Variants in TRIM66 observed in about 807,000 individuals in gnomAD.
TRIM66 encodes the protein tripartite motif containing 66.
A neutral mutation model predicts 148.2 loss-of-function variants in TRIM66; 99 were observed. That is an observed-to-expected ratio of 0.67 (90% CI 0.57 to 0.79). The LOEUF is 0.79. Ranked by LOEUF, TRIM66 falls within the 30% of genes least tolerant of loss-of-function variation. The pLI is 0.00. For synonymous variants in TRIM66, 616 were observed against 635.9 expected (o/e 0.97, Z 0.47); for missense variants, 1,666 against 1,697.9 (o/e 0.98, Z 0.33).
chr11:8,647,180 G>T (rs2133195900), intron 10 of TRIM66, among the ~76,000 whole-genome samples: 1 of 151,876 alleles, frequency 6.6e-6, no homozygotes, highest in South Asian at 2.1e-4. Flanking sequence ...AACGTAGACA[G>T]TAATTATGTA....
intron 22 of TRIM66, 58 bp downstream of exon 22, chr11:8,619,992 G>A: frequency 6.9e-7 from 1 of 1,448,208 alleles, no homozygotes; most frequent in Non-Finnish European, 9.5e-7. Flanking sequence ...TGGGGTAGCA[G>A]TATAGGCACA....
At chr11:8,639,108 C>T (rs1373735787) in intron 14 of TRIM66, among the ~76,000 whole-genome samples, 1 of 152,172 alleles carries the variant, frequency 6.6e-6, no homozygotes, top group Admixed American at 6.5e-5. Context: ...GCTTGTGGCC[C>T]TCTATGAACC....
intron 22 of TRIM66, 109 bp from the exon 23 acceptor site, chr11:8,619,644 G>C (rs868439975): frequency 2.8e-5 from 31 of 1,095,112 alleles, no homozygotes; most frequent in African/African-American, 2.3e-4. Flanking sequence ...ATAAGTGAAA[G>C]AATAGGAAGA....
chr11:8,634,029 T>C (rs576732449), intron 15 of TRIM66, among the ~76,000 whole-genome samples: 4 of 152,214 alleles, frequency 2.6e-5, no homozygotes, highest in African/African-American at 9.6e-5. Flanking sequence ...TCCTAAGCCA[T>C]GAGCCGCATG....
chr11:8,634,786 A>G (rs181608218), intron 15 of TRIM66, among the ~76,000 whole-genome samples: 2 of 152,334 alleles, frequency 1.3e-5, no homozygotes, highest in African/African-American at 4.8e-5. Flanking sequence ...CACCAACTCC[A>G]AGGTACTTGT....
intron 24 of TRIM66, 144 bp downstream of exon 24, chr11:8,618,606 G>A: frequency 1.4e-6 from 1 of 737,980 alleles, no homozygotes; most frequent in Non-Finnish European, 2.2e-6. Flanking sequence ...GCCTTCCCTG[G>A]GGGCTAAGGG....
At position 8,622,903 on chromosome 11, in the gene TRIM66, G is replaced by A. The variant is rs765027437; in HGVS notation, c.3020-27C>T. On this transcript the variant is annotated intron_variant, in intron 17 of 24. Transcript: ENST00000646038. The stretch of plus-strand genomic sequence containing the variant: ...TAAGGCAAAAGACAAACAAATACCT[G>A]TGACACACATTTGTGGCAACAAACC... 1.2e-5 allele frequency: 19 copies of A among 1,548,020 alleles called. No homozygotes were observed. In the South Asian group the frequency reaches 1.8e-4, roughly 15 times the overall value.
intron 3 of TRIM66, among the ~76,000 whole-genome samples, chr11:8,677,851 A>C (rs770638700): frequency 2.6e-5 from 4 of 152,204 alleles, no homozygotes; most frequent in African/African-American, 4.8e-5. Flanking sequence ...TGTAATTGCC[A>C]TGTAGAACAC....
chr11:8,683,125 C>A, upstream of TRIM66: 1 of 1,437,992 alleles, frequency 7.0e-7, no homozygotes, highest in Non-Finnish European at 9.8e-7. Flanking sequence ...CACAGGCTTA[C>A]AGGACCATCT....
intron 24 of TRIM66, 112 bp from the exon 25 acceptor site, chr11:8,618,115 C>CT: frequency 1.9e-6 from 2 of 1,045,458 alleles, no homozygotes; most frequent in South Asian, 2.8e-5. Flanking sequence ...TTATTCTACC[C>CT]TAGGAATGCA....
At chr11:8,628,674 C>G (rs2035108659) in intron 15 of TRIM66, among the ~76,000 whole-genome samples, 1 of 143,280 alleles carries the variant, frequency 7.0e-6, no homozygotes, top group Admixed American at 7.1e-5. Context: ...AAAGCTACAA[C>G]TTAATTTTGA....
At chr11:8,669,735 T>C (rs2038820836) in intron 6 of TRIM66, among the ~76,000 whole-genome samples, 2 of 151,958 alleles carry the variant, frequency 1.3e-5, no homozygotes, top group Non-Finnish European at 2.9e-5. Context: ...CCAAGGGCTG[T>C]GGGGCCAGGG....
chr11:8,643,232 T>C, intron 12 of TRIM66, 106 bp from the exon 13 acceptor site: 1 of 867,954 alleles, frequency 1.2e-6, no homozygotes, highest in Non-Finnish European at 1.8e-6. Context: ...TCATGGCCCT[T>C]TAACCTCTGG....
At chr11:8,649,949 G>C (rs1485503502) in intron 7 of TRIM66, 62 bp from the exon 8 acceptor site, 1 of 1,517,136 alleles carries the variant, frequency 6.6e-7, no homozygotes, top group African/African-American at 1.4e-5. Flanking sequence ...CTCCACAAGT[G>C]GTAAATGCTC....
At chr11:8,624,289 T>C in intron 17 of TRIM66, 70 bp downstream of exon 17, 2 of 1,496,276 alleles carry the variant, frequency 1.3e-6, no homozygotes, top group Non-Finnish European at 8.9e-7. Flanking sequence ...TGGCCTCTCT[T>C]ACCTAGAAGT....
chr11:8,668,625 G>A (rs944331289), intron 6 of TRIM66, among the ~76,000 whole-genome samples: 5 of 149,462 alleles, frequency 3.3e-5, no homozygotes, highest in African/African-American at 4.9e-5. Context: ...TCGCTCTGTC[G>A]CCCAGGCTGG....
intron 3 of TRIM66, among the ~76,000 whole-genome samples, chr11:8,676,128 C>G (rs1827566753): frequency 2.0e-5 from 3 of 152,042 alleles, no homozygotes. Flanking sequence ...TTTCTTCACA[C>G]AGAACATCAA....
At chr11:8,621,893 A>C (rs1274934140) in intron 18 of TRIM66, 74 bp from the exon 19 acceptor site, 1 of 1,371,222 alleles carries the variant, frequency 7.3e-7, no homozygotes, top group Non-Finnish European at 9.7e-7. Flanking sequence ...AGAAACATCC[A>C]TGATCCCTGT....
In TRIM66 at chr11:8,651,695, GT is replaced by G. The variant is rs1255334255; in HGVS notation, c.444+104del. 4 of 933,038 alleles carry G rather than the reference GT, an allele frequency of 4.3e-6. No homozygotes were observed. In the African/African-American group the frequency reaches 6.5e-5, roughly 15 times the overall value. The allele number at this position is 933,038 out of a possible 1,614,324, so 57.8% of individuals were successfully genotyped here. ...GATGATTAGGAAAACTGATGGAGAA[GT>G]AACAAATCAGATGATAGAGTGATGG... is the stretch of plus-strand genomic sequence containing the variant. On this transcript the variant is annotated intron_variant, in intron 7 of 24. Coordinates refer to ENST00000646038, the MANE Select transcript of TRIM66 (RefSeq NM_001388022.1).
Sources: allele counts gnomAD v4.1 joint callset (sites outside exome capture counted in the v4.1 genomes callset), GRCh38; gene constraint gnomAD v4.1.1; transcripts MANE v1.5; gene names NCBI Gene and HGNC (gene_info 2026-07-23, HGNC 2026-07-21).